Variants in CDH9 observed in about 807,000 individuals in gnomAD.
CDH9 encodes cadherin 9.
CDH9 carries 28 observed loss-of-function variants against 70.9 expected under a neutral mutation model. That is an observed-to-expected ratio of 0.40 (90% CI 0.29 to 0.54). The LOEUF is 0.54. Ranked by LOEUF, CDH9 falls within the 20% of genes least tolerant of loss-of-function variation. CDH9 has a pLI of 0.59. For synonymous variants in CDH9, 409 were observed against 343.1 expected, an observed-to-expected ratio of 1.19 and a Z score of -2.12; for missense variants, 874 against 984.4, an observed-to-expected ratio of 0.89 and a Z score of 1.50.
At chr5:26,926,320 A>G (rs923665960) in intron 2 of CDH9, among the ~76,000 whole-genome samples, 2 of 152,090 alleles carry the variant, frequency 1.3e-5, no homozygotes, top group African/African-American at 4.8e-5. Context: ...GAGACAAATC[A>G]TGAGTGAACT....
chr5:26,949,811 G>A (rs998224036), intron 2 of CDH9, among the ~76,000 whole-genome samples: 1 of 152,164 alleles, frequency 6.6e-6, no homozygotes, highest in Non-Finnish European at 1.5e-5. Context: ...CCCATGGCTG[G>A]AAATAGGTCA....
chr5:26,979,222 A>G (rs1742356405), intron 2 of CDH9, among the ~76,000 whole-genome samples: 1 of 151,834 alleles, frequency 6.6e-6, no homozygotes, highest in East Asian at 1.9e-4. Context: ...AAAATAGAAC[A>G]AAGTCTTGCA....
chr5:26,981,179 A>G (rs1742393447), intron 2 of CDH9, among the ~76,000 whole-genome samples: 2 of 152,096 alleles, frequency 1.3e-5, no homozygotes, highest in Non-Finnish European at 2.9e-5. Flanking sequence ...CTAGCCTTAA[A>G]AAGGATAATT....
chr5:26,992,709 A>T (rs6874394), intron 1 of CDH9, among the ~76,000 whole-genome samples: 72,000 of 151,956 alleles, frequency 0.47, 17,904 homozygotes, highest in African/African-American at 0.52. Context: ...TAGGAAAAGG[A>T]CTGCATTGCT....
chr5:26,988,854 C>T (rs1742533925), intron 1 of CDH9, among the ~76,000 whole-genome samples: 1 of 152,028 alleles, frequency 6.6e-6, no homozygotes, highest in African/African-American at 2.4e-5. Context: ...CTATCTTCCT[C>T]TTTACAATCC....
At chr5:27,035,774 T>TAAA in intron 1 of CDH9, among the ~76,000 whole-genome samples, 1 of 151,706 alleles carries the variant, frequency 6.6e-6, no homozygotes, top group Admixed American at 6.6e-5. Context: ...GGACATTTTT[T>TAAA]AAGATATCTT....
rs191504429 is a variant in CDH9 at position 26,902,150 on chromosome 5, T to C, written c.1253+326A>G. Among the ~76,000 whole-genome samples, 12 of 152,068 alleles carry C rather than the reference T, an allele frequency of 7.9e-5. No homozygotes were observed. The East Asian group carries it at 2.1e-3, about 27-fold the overall frequency. ...ACTGCCTGGTTCTTAAAATCAGCTT[T>C]GCTAATAAACAATGGGCAAATTACT... On this transcript the variant is annotated intron_variant, in intron 7 of 11. Coordinates refer to ENST00000231021, the MANE Select transcript of CDH9 (RefSeq NM_016279.4).
At chr5:26,883,746 A>C (rs775515119) in intron 11 of CDH9, among the ~76,000 whole-genome samples, 19 of 150,948 alleles carry the variant, frequency 1.3e-4, no homozygotes, top group Non-Finnish European at 2.7e-4. Flanking sequence ...AATTTAAATC[A>C]TCATTCTGGC....
rs768954953 is a variant in CDH9 at position 26,890,551 on chromosome 5, G to A, written c.1267C>T (p.Arg423Trp). The A allele has an allele frequency of 3.7e-6, 6 of 1,605,302 alleles. No homozygotes were observed. Among genetic ancestry groups the A allele is most frequent in the South Asian group, 1.1e-5 (1 of 90,872 alleles). ...RNNLIKYSVDRHTDMDRIFGI... is the reference protein window; with the variant it reads ...RNNLIKYSVDWHTDMDRIFGI... ...AAAATACGGTCCATATCAGTATGCC[G>A]ATCAACAGAGTACCTGGCAGAAGAC... The change falls in exon 8 of 12, where the codon CGG (arginine) becomes TGG (tryptophan). Residue 423 changes from arginine (R) to tryptophan (W), a missense_variant. Arg to Trp is a moderately radical substitution (Grantham distance 101, BLOSUM62 -3). Transcript: ENST00000231021.
intron 2 of CDH9, among the ~76,000 whole-genome samples, chr5:26,957,247 A>G (rs902336312): frequency 1.3e-5 from 2 of 152,214 alleles, no homozygotes; most frequent in Admixed American, 6.5e-5. Context: ...TTTTAATCAC[A>G]TTTGTTGTAG....
At chr5:27,007,564 G>T (rs908620327) in intron 1 of CDH9, among the ~76,000 whole-genome samples, 2 of 151,892 alleles carry the variant, frequency 1.3e-5, no homozygotes, top group Non-Finnish European at 2.9e-5. Context: ...CTTTTTGTCA[G>T]CCTGGTGACA....
intron 1 of CDH9, among the ~76,000 whole-genome samples, chr5:27,013,706 A>G (rs1163876937): frequency 2.0e-5 from 3 of 151,984 alleles, no homozygotes; most frequent in Non-Finnish European, 4.4e-5. Context: ...GCAAGAAAAA[A>G]ATACTGTTTA....
intron 2 of CDH9, among the ~76,000 whole-genome samples, chr5:26,928,925 G>A (rs1191884510): frequency 1.3e-5 from 2 of 151,998 alleles, no homozygotes; most frequent in African/African-American, 4.8e-5. Flanking sequence ...CCAGGATATT[G>A]GTTTGGGCAA....
intron 3 of CDH9, among the ~76,000 whole-genome samples, chr5:26,908,265 T>C (rs1484857578): frequency 1.3e-5 from 2 of 152,076 alleles, no homozygotes; most frequent in Non-Finnish European, 2.9e-5. Flanking sequence ...GTTCATTAGA[T>C]GAAAGCAAAA....
At chr5:26,910,544 G>C (rs539974315) in intron 3 of CDH9, among the ~76,000 whole-genome samples, 2 of 152,110 alleles carry the variant, frequency 1.3e-5, no homozygotes, top group African/African-American at 2.4e-5. Flanking sequence ...TCTATCATCT[G>C]TCTTTCCATA....
chr5:26,977,878 C>T (rs1742329346), intron 2 of CDH9, among the ~76,000 whole-genome samples: 1 of 152,030 alleles, frequency 6.6e-6, no homozygotes, highest in Non-Finnish European at 1.5e-5. Flanking sequence ...TTGGTAAACA[C>T]TTTGGGGTTT....
intron 2 of CDH9, among the ~76,000 whole-genome samples, chr5:26,980,310 G>A (rs1489982220): frequency 6.6e-6 from 1 of 151,612 alleles, no homozygotes. Context: ...CTTTTTTTAT[G>A]CTTCTGTTTT....
intron 7 of CDH9, among the ~76,000 whole-genome samples, chr5:26,893,797 G>A (rs1246511986): frequency 6.6e-6 from 1 of 151,988 alleles, no homozygotes; most frequent in African/African-American, 2.4e-5. Flanking sequence ...AAATAACAAT[G>A]TAGTAAAATT....
At chr5:26,984,048 T>C (rs537046509) in intron 2 of CDH9, among the ~76,000 whole-genome samples, 2 of 152,274 alleles carry the variant, frequency 1.3e-5, no homozygotes, top group South Asian at 4.1e-4. Flanking sequence ...GTGTTTCCTG[T>C]TGTTTTAGGT....
Sources: allele counts gnomAD v4.1 joint callset (sites outside exome capture counted in the v4.1 genomes callset), GRCh38; gene constraint gnomAD v4.1.1; transcripts MANE v1.5; gene names NCBI Gene and HGNC (gene_info 2026-07-23, HGNC 2026-07-21).